Variants in NKAIN3 observed in about 807,000 individuals in gnomAD.
The protein encoded by NKAIN3 is sodium/potassium-transporting ATPase subunit beta-1-interacting protein 3.
NKAIN3 carries 25 observed loss-of-function variants against 30.2 expected under a neutral mutation model. That is an observed-to-expected ratio of 0.83 (90% CI 0.60 to 1.16). The LOEUF (loss-of-function observed/expected upper bound fraction) is 1.16, where lower values mean the gene tolerates loss of function less well. Among genes scored for constraint, NKAIN3 ranks in the 50% most tolerant of loss-of-function variants. NKAIN3 has a pLI of 0.00. For synonymous variants in NKAIN3, 91 were observed against 89.6 expected (o/e 1.02, Z -0.09); for missense variants, 225 against 254.1 (o/e 0.89, Z 0.78).
intron 1 of NKAIN3, among the ~76,000 whole-genome samples, chr8:62,395,615 A>G (rs542252892): frequency 3.4e-4 from 52 of 152,330 alleles, no homozygotes; most frequent in Middle Eastern, 3.4e-3. Context: ...GTTGTTTTCA[A>G]TTTTAATAAA....
chr8:62,854,788 G>T (rs1820011555), intron 4 of NKAIN3, among the ~76,000 whole-genome samples: 1 of 152,184 alleles, frequency 6.6e-6, no homozygotes, highest in South Asian at 2.1e-4. Context: ...TTACTTCATA[G>T]TGTCACTAGT....
chr8:62,895,690 A>T (rs1308560238), intron 4 of NKAIN3, among the ~76,000 whole-genome samples: 1 of 152,180 alleles, frequency 6.6e-6, no homozygotes, highest in Non-Finnish European at 1.5e-5. Context: ...CAGTTTGAGC[A>T]TCAAGCTGTA....
At chr8:62,625,683 A>G (rs1428610906) in intron 3 of NKAIN3, among the ~76,000 whole-genome samples, 1 of 152,148 alleles carries the variant, frequency 6.6e-6, no homozygotes, top group Non-Finnish European at 1.5e-5. Flanking sequence ...TAATACTTCA[A>G]TTTGCATAAG....
At position 62,984,144 on chromosome 8, in the gene NKAIN3, G is replaced by C. The variant is rs117879203; in HGVS notation, c.*18737G>C. The C allele has an allele frequency of 5.6e-4, 85 of 152,302 alleles. 1 individual carries two copies. In the East Asian group the frequency reaches 0.015, roughly 27 times the overall value. The allele number at this position is 152,302 out of a possible 1,614,324, so 9.4% of individuals were successfully genotyped here. A position where few individuals can be genotyped will look rare whatever the true frequency, so the allele number is the denominator to read the frequency against. ...TGATTATTGAAAGCACGATAGCAATGTTTAAGTGGTGAGAATGACTCTAAG... is the reference window on the plus strand; with the variant it reads ...TGATTATTGAAAGCACGATAGCAATCTTTAAGTGGTGAGAATGACTCTAAG... On this transcript the variant is annotated 3_prime_UTR_variant, in exon 7 of 7. Coordinates refer to ENST00000623646, the MANE Select transcript of NKAIN3 (RefSeq NM_001304533.3).
chr8:62,633,737 A>C (rs1339717748), intron 3 of NKAIN3, among the ~76,000 whole-genome samples: 3 of 152,118 alleles, frequency 2.0e-5, no homozygotes, highest in Admixed American at 1.3e-4. Flanking sequence ...CACCTTATTG[A>C]AGGCCAACGT....
chr8:62,614,510 G>A (rs1028739946), intron 3 of NKAIN3, among the ~76,000 whole-genome samples: 21 of 152,178 alleles, frequency 1.4e-4, no homozygotes, highest in African/African-American at 5.1e-4. Context: ...CCTGGCTACT[G>A]CCTATGTTTA....
In NKAIN3 at chr8:62,523,658, C is replaced by T. The variant is rs148310438; in HGVS notation, c.55-55881C>T. 9.3e-4 allele frequency among the ~76,000 whole-genome samples: 142 copies of T among 152,200 alleles called. 3 individuals carry two copies. The East Asian group carries it at 0.027, about 29-fold the overall frequency. ...AAATGGTTAGGTCTACACTATAGGG[C>T]GCACAGCATGGGACACTGTGGGGCC... is the stretch of plus-strand genomic sequence containing the variant. On this transcript the variant is annotated intron_variant, in intron 1 of 6. Coordinates refer to ENST00000623646, the MANE Select transcript of NKAIN3 (RefSeq NM_001304533.3).
chr8:62,793,686 G>A (rs1817765996), intron 4 of NKAIN3, among the ~76,000 whole-genome samples: 1 of 152,120 alleles, frequency 6.6e-6, no homozygotes. Context: ...AGGCTGAGCA[G>A]CTCTGCTTAT....
At chr8:62,480,635 C>T (rs193038119) in intron 1 of NKAIN3, among the ~76,000 whole-genome samples, 74 of 151,484 alleles carry the variant, frequency 4.9e-4, no homozygotes, top group Non-Finnish European at 8.4e-4. Flanking sequence ...CCCTAGGAGA[C>T]GGAAGCTTCA....
At chr8:62,706,978 T>C (rs1030936650) in intron 3 of NKAIN3, among the ~76,000 whole-genome samples, 2 of 151,964 alleles carry the variant, frequency 1.3e-5, no homozygotes, top group African/African-American at 2.4e-5. Flanking sequence ...AATAATAGTC[T>C]CCAATCTCAT....
At chr8:62,548,525 G>A (rs1212175926) in intron 1 of NKAIN3, among the ~76,000 whole-genome samples, 8 of 152,054 alleles carry the variant, frequency 5.3e-5, no homozygotes, top group Non-Finnish European at 8.8e-5. Flanking sequence ...ATTCTGTCCA[G>A]GCACCACAGA....
At chr8:62,431,371 T>A (rs1377084087) in intron 1 of NKAIN3, among the ~76,000 whole-genome samples, 1 of 151,972 alleles carries the variant, frequency 6.6e-6, no homozygotes, top group Non-Finnish European at 1.5e-5. Flanking sequence ...CTTTTTTGGT[T>A]AAATATAGCT....
At chr8:62,691,864 C>A (rs56209195) in intron 3 of NKAIN3, among the ~76,000 whole-genome samples, 27,171 of 152,088 alleles carry the variant, frequency 0.18, 2,610 homozygotes, top group East Asian at 0.38. Flanking sequence ...TCAATAATAG[C>A]CATTATTATT....
intron 3 of NKAIN3, among the ~76,000 whole-genome samples, chr8:62,703,748 A>AT (rs1398121582): frequency 3.1e-4 from 47 of 152,272 alleles, no homozygotes; most frequent in African/African-American, 1.1e-3. Flanking sequence ...TGTTTAATGT[A>AT]TTTTTATTTA....
intron 1 of NKAIN3, among the ~76,000 whole-genome samples, chr8:62,378,471 G>A (rs1216163593): frequency 1.3e-5 from 2 of 152,156 alleles, no homozygotes; most frequent in Non-Finnish European, 2.9e-5. Context: ...AGAGCTTTGC[G>A]GCATCACTTC....
At chr8:62,945,693 T>G (rs967545057) in intron 5 of NKAIN3, among the ~76,000 whole-genome samples, 1 of 152,194 alleles carries the variant, frequency 6.6e-6, no homozygotes, top group East Asian at 1.9e-4. Flanking sequence ...TACATTCACT[T>G]GGGGCACACC....
chr8:62,620,703 T>C (rs1811596234), intron 3 of NKAIN3, among the ~76,000 whole-genome samples: 1 of 152,184 alleles, frequency 6.6e-6, no homozygotes, highest in Non-Finnish European at 1.5e-5. Flanking sequence ...AGTTTTTTAT[T>C]CATCCCTCTC....
chr8:62,603,914 A>G (rs1056301264), intron 3 of NKAIN3, among the ~76,000 whole-genome samples: 4 of 152,124 alleles, frequency 2.6e-5, no homozygotes, highest in Non-Finnish European at 1.5e-5. Context: ...AGGTGGAAAG[A>G]GAGAAAGGTT....
chr8:62,754,255 C>G (rs929421284), intron 4 of NKAIN3, among the ~76,000 whole-genome samples: 1 of 151,902 alleles, frequency 6.6e-6, no homozygotes, highest in Admixed American at 6.6e-5. Context: ...GTGGACTGCT[C>G]AGTTCTGGGG....
Sources: gnomAD v4.1 joint callset for allele counts (sites outside exome capture counted in the v4.1 genomes callset) on GRCh38, gnomAD v4.1.1 for gene constraint, MANE v1.5 for transcripts, NCBI Gene and HGNC (gene_info 2026-07-23, HGNC 2026-07-21) for gene names.